AFAP1L1: variants seen among roughly 807,000 people sequenced by gnomAD.
AFAP1L1 encodes the protein actin filament associated protein 1 like 1, also known as actin filament-associated protein 1-like 1.
In AFAP1L1, 77 loss-of-function variants were observed where a neutral mutation model predicts 99.8. The observed-to-expected ratio is 0.77, with a 90% CI of 0.64 to 0.93. AFAP1L1 has a LOEUF of 0.93. Ranked by LOEUF, AFAP1L1 falls within the 40% of genes least tolerant of loss-of-function variation. The pLI, the probability that AFAP1L1 is intolerant of heterozygous loss-of-function variation, is 0.00. For synonymous variants in AFAP1L1, 373 were observed against 395.3 expected (o/e 0.94, Z 0.67); for missense variants, 893 against 996.8 (o/e 0.90, Z 1.40).
chr5:149,272,077 C>T, intron 1 of AFAP1L1, 93 bp downstream of exon 1: 1 of 545,950 alleles, frequency 1.8e-6, no homozygotes, highest in Non-Finnish European at 2.5e-6. Context: ...GGGAGAGAGG[C>T]GGGCGGTGGG....
Position 149,319,177 on chromosome 5 carries a change from A to G in AFAP1L1, c.1480-405A>G, listed in dbSNP as rs73277529. On this transcript the variant is annotated intron_variant, in intron 12 of 18. Coordinates refer to ENST00000296721, the MANE Select transcript of AFAP1L1 (RefSeq NM_152406.4). ...ACAGTATTGTACTTATTTGGCAACT[A>G]TAACACAAGAAACTATTTTGATTAA... is the stretch of plus-strand genomic sequence containing the variant. 6.7e-3 allele frequency among the ~76,000 whole-genome samples: 1,024 copies of G among 152,350 alleles called. 8 individuals carry two copies. The highest frequency in any genetic ancestry group is 0.023 in the African/African-American group (977 of 41,582).
chr5:149,275,442 T>TTTCTTCTTC (rs201488006), intron 1 of AFAP1L1, among the ~76,000 whole-genome samples: 9 of 150,788 alleles, frequency 6.0e-5, no homozygotes, highest in Admixed American at 5.3e-4. Flanking sequence ...ATCTCTGGTG[T>TTTCTTCTTC]TTCTTCTTCT....
At chr5:149,275,208 A>G (rs1755273754) in intron 1 of AFAP1L1, among the ~76,000 whole-genome samples, 1 of 152,212 alleles carries the variant, frequency 6.6e-6, no homozygotes, top group Non-Finnish European at 1.5e-5. Flanking sequence ...CCTCAGGGGA[A>G]AGCAGGCTCA....
In AFAP1L1 at chr5:149,332,770, T is replaced by C. The variant is rs1006185616; in HGVS notation, c.2051T>C (p.Ile684Thr). The change falls in exon 17 of 19, where the codon ATT (isoleucine) becomes ACT (threonine). Residue 684 changes from isoleucine (I) to threonine (T), a missense_variant. Coordinates refer to ENST00000296721, the MANE Select transcript of AFAP1L1 (RefSeq NM_152406.4). ...AQCRAKEERRIDLELKLVAVK... is the reference protein window; with the variant it reads ...AQCRAKEERRTDLELKLVAVK... Reference sequence around the variant, plus strand: ...TGTCGGGCAAAGGAGGAGCGCCGGATTGACCTGGAGCTGAAGCTGGTGGCT... The same window carrying C: ...TGTCGGGCAAAGGAGGAGCGCCGGACTGACCTGGAGCTGAAGCTGGTGGCT... 3 of 1,613,716 alleles carry C rather than the reference T, an allele frequency of 1.9e-6. No individual in the cohort carries two copies. Among genetic ancestry groups the C allele is most frequent in the Non-Finnish European group, 2.5e-6 (3 of 1,180,008 alleles).
In AFAP1L1 at chr5:149,271,879, CT is replaced by C; in HGVS notation, c.-89del. 9.7e-7 allele frequency: 1 copy of C among 1,029,662 alleles called. No individual in the cohort carries two copies. Among genetic ancestry groups the C allele is most frequent in the Non-Finnish European group, 1.2e-6 (1 of 817,882 alleles). 63.8% of individuals were successfully genotyped at this position (1,029,662 alleles called of 1,614,324 possible). ...ACCGCAGAGAGCGCCGGCCGCTGGG[CT>C]GGCCTGAGAGCGCAGCGCGCCGGCC... On this transcript the variant is annotated 5_prime_UTR_variant, in exon 1 of 19. Coordinates refer to ENST00000296721, the MANE Select transcript of AFAP1L1 (RefSeq NM_152406.4).
chr5:149,311,283 G>T (rs1018870483), intron 8 of AFAP1L1, among the ~76,000 whole-genome samples: 9 of 152,170 alleles, frequency 5.9e-5, no homozygotes, highest in Non-Finnish European at 7.3e-5. Flanking sequence ...CTGCCTGTTG[G>T]GGGAGCCTGT....
At chr5:149,330,004 A>G (rs1304342509) in intron 16 of AFAP1L1, among the ~76,000 whole-genome samples, 174 bp downstream of exon 16, 1 of 152,016 alleles carries the variant, frequency 6.6e-6, no homozygotes, top group Non-Finnish European at 1.5e-5. Flanking sequence ...CATTATCATC[A>G]TCATTCCTCC....
chr5:149,278,477 G>A (rs1428937927), intron 1 of AFAP1L1, among the ~76,000 whole-genome samples: 1 of 152,158 alleles, frequency 6.6e-6, no homozygotes, highest in African/African-American at 2.4e-5. Flanking sequence ...CTAATTTGCA[G>A]AGATGTGAAA....
chr5:149,274,884 C>CAA (rs60097014), intron 1 of AFAP1L1, among the ~76,000 whole-genome samples: 1,643 of 123,426 alleles, frequency 0.013, 34 homozygotes, highest in African/African-American at 0.044. Context: ...GATTCTGTCT[C>CAA]AAAAAAAAAA....
At chr5:149,321,764 C>T (rs1479870781) in intron 14 of AFAP1L1, among the ~76,000 whole-genome samples, 1 of 145,434 alleles carries the variant, frequency 6.9e-6, no homozygotes, top group Non-Finnish European at 1.5e-5. Context: ...TTAGGCTGGG[C>T]GCAGTGGCTC....
rs1188140722 is a variant in AFAP1L1 at position 149,332,791 on chromosome 5, T to C, written c.2072T>C (p.Val691Ala). 6.2e-7 allele frequency: 1 copy of C among 1,613,378 alleles called. No individual in the cohort carries two copies. Among genetic ancestry groups the C allele is most frequent in the Non-Finnish European group, 8.5e-7 (1 of 1,179,974 alleles). The change falls in exon 17 of 19, where the codon GTG becomes GCG. Residue 691 changes from valine to alanine, a missense_variant. By Grantham distance (64) the Val-to-Ala change is moderately conservative (BLOSUM62 0). Coordinates refer to ENST00000296721, the MANE Select transcript of AFAP1L1 (RefSeq NM_152406.4). Reference protein sequence around the residue: ...ERRIDLELKLVAVKERLQQSL... With the variant: ...ERRIDLELKLAAVKERLQQSL... ...CGGATTGACCTGGAGCTGAAGCTGG[T>C]GGCTGTGAAGGAGCGCTTGCAGCAG...
chr5:149,302,780 G>C (rs1756272809), intron 5 of AFAP1L1: 1 of 374,540 alleles, frequency 2.7e-6, no homozygotes, highest in Non-Finnish European at 4.9e-6. Flanking sequence ...AAATCCCCTT[G>C]CCCTCTGGAT....
intron 11 of AFAP1L1, 66 bp from the exon 12 acceptor site, chr5:149,317,663 G>A: frequency 6.4e-7 from 1 of 1,558,138 alleles, no homozygotes. Context: ...GACACATGGA[G>A]CCGCCTTGCG....
chr5:149,307,335 G>A (rs1756448255), intron 6 of AFAP1L1, 67 bp from the exon 7 acceptor site: 2 of 1,542,048 alleles, frequency 1.3e-6, no homozygotes, highest in South Asian at 1.1e-5. Context: ...AGGGATCGCT[G>A]CAGAGGGGTG....
At chr5:149,329,547 G>C (rs1328470433) in intron 15 of AFAP1L1, 119 bp from the exon 16 acceptor site, 4 of 1,050,818 alleles carry the variant, frequency 3.8e-6, no homozygotes, top group Non-Finnish European at 5.4e-6. Flanking sequence ...AAGGGACTAG[G>C]TCTAAATATT....
chr5:149,316,029 C>T, intron 10 of AFAP1L1, 115 bp downstream of exon 10: 1 of 1,576,700 alleles, frequency 6.3e-7, no homozygotes, highest in Non-Finnish European at 8.7e-7. Context: ...GTAAGGTGAC[C>T]TGGCCTGCCA....
intron 15 of AFAP1L1, among the ~76,000 whole-genome samples, chr5:149,324,074 C>T (rs1757028368): frequency 6.6e-6 from 1 of 152,212 alleles, no homozygotes; most frequent in East Asian, 1.9e-4. Context: ...TCATAAGCTT[C>T]CTTGAAGGGC....
At chr5:149,279,743 GC>G (rs2127588756) in intron 1 of AFAP1L1, among the ~76,000 whole-genome samples, 1 of 152,238 alleles carries the variant, frequency 6.6e-6, no homozygotes, top group East Asian at 1.9e-4. Flanking sequence ...CCTACCTCTT[GC>G]CCTGGGCTCT....
chr5:149,280,978 A>C (rs984268776), intron 1 of AFAP1L1, among the ~76,000 whole-genome samples: 2 of 152,170 alleles, frequency 1.3e-5, no homozygotes, highest in African/African-American at 4.8e-5. Context: ...GTGTTATGAG[A>C]ACATACCTTT....
Sources: gnomAD v4.1 joint callset for allele counts (sites outside exome capture counted in the v4.1 genomes callset) on GRCh38, gnomAD v4.1.1 for gene constraint, MANE v1.5 for transcripts, NCBI Gene and HGNC (gene_info 2026-07-23, HGNC 2026-07-21) for gene names.